Variants in DYRK1A observed in about 807,000 individuals in gnomAD.
DYRK1A encodes the protein dual specificity tyrosine-phosphorylation-regulated kinase 1A.
DYRK1A carries 9 observed loss-of-function variants against 79.7 expected under a neutral mutation model. The observed-to-expected ratio is 0.11, with a 90% CI of 0.07 to 0.20. DYRK1A has a LOEUF of 0.20. Among genes scored for constraint, DYRK1A ranks in the 10% least tolerant of loss-of-function variants. The probability of loss-of-function intolerance (pLI) is 1.00; values close to 1 mark genes in which losing one functional copy is unlikely to be tolerated. For synonymous variants in DYRK1A, 349 were observed against 329.7 expected, an observed-to-expected ratio of 1.06 and a Z score of -0.63; for missense variants, 622 against 956.0, an observed-to-expected ratio of 0.65 and a Z score of 4.61.
At chr21:37,424,446 C>T (rs1358753431) in intron 2 of DYRK1A, among the ~76,000 whole-genome samples, 3 of 150,592 alleles carry the variant, frequency 2.0e-5, no homozygotes, top group Non-Finnish European at 4.4e-5. Context: ...GGCACATTCC[C>T]TTCCAGTTGT....
At position 37,519,361 on chromosome 21, in the gene DYRK1A, C is replaced by T. The variant is rs980028921; in HGVS notation, c.*6830C>T. ...GACCCTGGGTACGCTGCTCAACTTG[C>T]GCAAGGATTACTGTCCGCTTTGTAC... On this transcript the variant is annotated 3_prime_UTR_variant, in exon 12 of 12. Coordinates refer to ENST00000647188, the MANE Select transcript of DYRK1A (RefSeq NM_001347721.2). 1.3e-5 allele frequency: 2 copies of T among 152,228 alleles called. No individual in the cohort carries two copies. The highest frequency in any genetic ancestry group is 1.3e-4 in the Admixed American group (2 of 15,278). 9.4% of individuals were successfully genotyped at this position (152,228 alleles called of 1,614,324 possible).
intron 7 of DYRK1A, among the ~76,000 whole-genome samples, chr21:37,491,106 C>A (rs1368550568): frequency 6.6e-6 from 1 of 151,938 alleles, no homozygotes; most frequent in Non-Finnish European, 1.5e-5. Context: ...CTTATTTTCC[C>A]CACTCTTATT....
In DYRK1A at chr21:37,508,467, A is replaced by G. The variant is rs2053659081; in HGVS notation, c.1644+2244A>G. Among the ~76,000 whole-genome samples, 5 of 152,248 alleles carry G rather than the reference A, an allele frequency of 3.3e-5. 1 individual carries two copies. The South Asian group carries it at 8.3e-4, about 25-fold the overall frequency. ...CATGCTGGCTAATTTTTGTATTTGTAGTAGAGACGGGGTTTTGCCACGTTG... is the reference window on the plus strand; with the variant it reads ...CATGCTGGCTAATTTTTGTATTTGTGGTAGAGACGGGGTTTTGCCACGTTG... On this transcript the variant is annotated intron_variant, in intron 11 of 11. Coordinates refer to ENST00000647188, the MANE Select transcript of DYRK1A (RefSeq NM_001347721.2).
intron 2 of DYRK1A, among the ~76,000 whole-genome samples, chr21:37,429,221 C>T (rs1222316711): frequency 1.3e-5 from 2 of 152,078 alleles, no homozygotes; most frequent in Non-Finnish European, 2.9e-5. Context: ...TAGAAGGTTA[C>T]CAAAGCTTAA....
intron 2 of DYRK1A, among the ~76,000 whole-genome samples, chr21:37,439,888 A>G (rs1237907812): frequency 6.6e-6 from 1 of 152,080 alleles, no homozygotes; most frequent in Non-Finnish European, 1.5e-5. Context: ...AATTTGATGA[A>G]TTGTACTGAT....
At chr21:37,376,574 T>G (rs1388633067) in intron 1 of DYRK1A, among the ~76,000 whole-genome samples, 1 of 152,174 alleles carries the variant, frequency 6.6e-6, no homozygotes, top group Non-Finnish European at 1.5e-5. Flanking sequence ...TATTCTCTGG[T>G]GGCCAGAGGT....
At chr21:37,454,035 T>G (rs1235960166) in intron 2 of DYRK1A, among the ~76,000 whole-genome samples, 1 of 150,424 alleles carries the variant, frequency 6.6e-6, no homozygotes, top group Non-Finnish European at 1.5e-5. Context: ...CTTTACATAC[T>G]TGAGTCCTCA....
In DYRK1A at chr21:37,393,283, G is replaced by A. The variant is rs146386965; in HGVS notation, c.-77+25655G>A. On this transcript the variant is annotated intron_variant, in intron 1 of 11. Transcript: ENST00000647188. ...GGTAGCAGTACTCTCTGTTACTCAA[G>A]ACTGCCTCTTTGTAAGGGTACAAGT... Among the ~76,000 whole-genome samples the A allele has an allele frequency of 4.9e-4, 75 of 152,302 alleles. 1 individual carries two copies. In the East Asian group the frequency reaches 7.5e-3, roughly 15 times the overall value.
intron 9 of DYRK1A, chr21:37,504,412 C>G (rs1569395993): frequency 6.6e-6 from 1 of 152,228 alleles, no homozygotes; most frequent in Admixed American, 6.5e-5. Flanking sequence ...AGGTCTCTTC[C>G]AGGAGAGGCT....
At chr21:37,507,386 A>G (rs2148654325) in intron 11 of DYRK1A, among the ~76,000 whole-genome samples, 1 of 151,876 alleles carries the variant, frequency 6.6e-6, no homozygotes, top group Non-Finnish European at 1.5e-5. Context: ...GGCCTCTCCC[A>G]TCTTAAGCAG....
At chr21:37,471,207 T>A (rs1454925663) in intron 2 of DYRK1A, among the ~76,000 whole-genome samples, 1 of 152,170 alleles carries the variant, frequency 6.6e-6, no homozygotes, top group Non-Finnish European at 1.5e-5. Context: ...TATGTGGTGA[T>A]GTAGATGAAA....
intron 2 of DYRK1A, among the ~76,000 whole-genome samples, chr21:37,454,090 T>TTTTTTTTTTTC (rs2051553285): frequency 7.6e-6 from 1 of 131,440 alleles, no homozygotes; most frequent in Non-Finnish European, 1.6e-5. Flanking sequence ...GTCTCCTTTT[T>TTTTTTTTTTTC]TTTTTTTTTT....
At chr21:37,418,195 T>A (rs2050394993) in intron 1 of DYRK1A, among the ~76,000 whole-genome samples, 2 of 152,168 alleles carry the variant, frequency 1.3e-5, no homozygotes, top group Admixed American at 1.3e-4. Flanking sequence ...GAGTCCTTAT[T>A]TAAAGTAATC....
chr21:37,378,533 C>T lies in DYRK1A; in HGVS notation c.-77+10905C>T, dbSNP rs555166147. On this transcript the variant is annotated intron_variant, in intron 1 of 11. Transcript: ENST00000647188. The stretch of plus-strand genomic sequence containing the variant: ...GGGCAACAAGAGCGAAACTCCATCT[C>T]GAAAAACAAAACAAAAGTATTTTTT... Among the ~76,000 whole-genome samples, 7 of 152,238 alleles carry T rather than the reference C, an allele frequency of 4.6e-5. No homozygotes were observed. The South Asian group carries it at 1.2e-3, about 27-fold the overall frequency.
chr21:37,476,873 T>G (rs898766726), intron 3 of DYRK1A, among the ~76,000 whole-genome samples: 9 of 140,390 alleles, frequency 6.4e-5, no homozygotes, highest in South Asian at 2.3e-4. Context: ...TGAGAAGAGA[T>G]AGTGTTATTT....
At chr21:37,423,275 G>C (rs1200637768) in intron 2 of DYRK1A, among the ~76,000 whole-genome samples, 1 of 152,058 alleles carries the variant, frequency 6.6e-6, no homozygotes, top group African/African-American at 2.4e-5. Flanking sequence ...TCCACACTCA[G>C]GTAACTGCTT....
intron 2 of DYRK1A, among the ~76,000 whole-genome samples, chr21:37,430,551 T>G (rs1469879325): frequency 6.6e-6 from 1 of 152,184 alleles, no homozygotes; most frequent in Non-Finnish European, 1.5e-5. Context: ...CTGTCATCAT[T>G]TTGCCTCTCT....
rs2053964069 is a variant in DYRK1A, at chr21:37,525,794, T to C, written c.*13263T>C. ...GAAATATTAGCTGAATATCCCGACA[T>C]GGCCTGTAATACAGCAGTTCAATGG... On this transcript the variant is annotated 3_prime_UTR_variant, in exon 12 of 12. Coordinates refer to ENST00000647188, the MANE Select transcript of DYRK1A (RefSeq NM_001347721.2). The C allele has an allele frequency of 6.6e-6, 1 of 152,238 alleles. No homozygotes were observed. The highest frequency in any genetic ancestry group is 2.4e-5 in the African/African-American group (1 of 41,466). The allele number at this position is 152,238 out of a possible 1,614,324, so 9.4% of individuals were successfully genotyped here.
At chr21:37,501,178 T>TG (rs1449207286) in intron 9 of DYRK1A, 62 of 143,482 alleles carry the variant, frequency 4.3e-4, no homozygotes, top group African/African-American at 1.7e-3. Flanking sequence ...TTTTTTTTTT[T>TG]TTTTTTTTTT....
Sources: allele counts gnomAD v4.1 joint callset (sites outside exome capture counted in the v4.1 genomes callset), GRCh38; gene constraint gnomAD v4.1.1; transcripts MANE v1.5; gene names NCBI Gene and HGNC (gene_info 2026-07-23, HGNC 2026-07-21).